Variants in INPP4B observed in about 807,000 individuals in gnomAD.
The protein encoded by INPP4B is inositol polyphosphate 4-phosphatase type II.
INPP4B carries 55 observed loss-of-function variants against 122.5 expected under a neutral mutation model. The ratio of observed to expected loss-of-function variants is 0.45; its 90% CI spans 0.36 to 0.56. The LOEUF (loss-of-function observed/expected upper bound fraction) is 0.56. INPP4B is among the 20% of genes least tolerant of loss of function. INPP4B has a pLI of 0.00. For missense variants in INPP4B, 1,000 were observed against 1,097.7 expected (o/e 0.91, Z 1.26); for synonymous variants, 403 against 388.7 (o/e 1.04, Z -0.43).
chr4:142,517,025 A>C (rs1825498316), intron 2 of INPP4B, among the ~76,000 whole-genome samples: 1 of 151,788 alleles, frequency 6.6e-6, no homozygotes, highest in Non-Finnish European at 1.5e-5. Context: ...CACCATTCCA[A>C]GAATCTGGGC....
At chr4:142,477,751 C>T (rs1410139901) in intron 2 of INPP4B, among the ~76,000 whole-genome samples, 1 of 152,114 alleles carries the variant, frequency 6.6e-6, no homozygotes, top group Non-Finnish European at 1.5e-5. Flanking sequence ...TCTTAATAGA[C>T]CAATAATGAG....
At chr4:142,029,505 G>C in intron 25 of INPP4B, 1 of 985,580 alleles carries the variant, frequency 1.0e-6, no homozygotes, top group Non-Finnish European at 1.2e-6. Flanking sequence ...GGTACATCAA[G>C]ACACAAACAA....
At chr4:142,323,649 G>A (rs371956959) in intron 7 of INPP4B, among the ~76,000 whole-genome samples, 1 of 151,754 alleles carries the variant, frequency 6.6e-6, no homozygotes, top group African/African-American at 2.4e-5. Flanking sequence ...GTTTCACCAT[G>A]TTAGCCAGGA....
chr4:142,178,129 C>G (rs1004617571), intron 15 of INPP4B, among the ~76,000 whole-genome samples: 1 of 152,186 alleles, frequency 6.6e-6, no homozygotes, highest in Non-Finnish European at 1.5e-5. Flanking sequence ...TCCCCACTTT[C>G]AACACCCAGC....
At chr4:142,488,606 G>C (rs1309347427) in intron 2 of INPP4B, among the ~76,000 whole-genome samples, 1 of 151,908 alleles carries the variant, frequency 6.6e-6, no homozygotes, top group Non-Finnish European at 1.5e-5. Context: ...TGTCAATTTT[G>C]TTAAGTTGTG....
rs144724877 is a variant in INPP4B, at chr4:142,432,926, T to C, written c.-126-1541A>G. ...CTGTTTATCGGTATATGTGCACTTG[T>C]ATAATTTGAGGATGGGAGGAGAAGA... On this transcript the variant is annotated intron_variant, in intron 3 of 25. Transcript: ENST00000262992. Among the ~76,000 whole-genome samples, 4 of 152,262 alleles carry C rather than the reference T, an allele frequency of 2.6e-5. No homozygotes were observed. The East Asian group carries it at 5.8e-4, about 22-fold the overall frequency.
chr4:142,410,572 T>A (rs1358801101), intron 5 of INPP4B, among the ~76,000 whole-genome samples: 1 of 152,160 alleles, frequency 6.6e-6, no homozygotes, highest in Non-Finnish European at 1.5e-5. Context: ...AAATTTAGAC[T>A]TAGAGGAGAA....
intron 2 of INPP4B, among the ~76,000 whole-genome samples, chr4:142,488,825 C>T (rs1245119661): frequency 6.6e-6 from 1 of 151,980 alleles, no homozygotes; most frequent in Non-Finnish European, 1.5e-5. Flanking sequence ...AAAAACACAA[C>T]TTCCAGTCTT....
chr4:142,050,247 A>G (rs1753781337), intron 25 of INPP4B, among the ~76,000 whole-genome samples: 1 of 152,038 alleles, frequency 6.6e-6, no homozygotes, highest in South Asian at 2.1e-4. Context: ...AACTTAATCT[A>G]ATAGTTATCT....
Position 142,431,332 on chromosome 4 carries a change from A to G in INPP4B, c.-73T>C. The G allele has an allele frequency of 1.0e-6, 1 of 1,004,878 alleles. No individual in the cohort carries two copies. Among genetic ancestry groups the G allele is most frequent in the East Asian group, 2.4e-5 (1 of 41,404 alleles). The allele number at this position is 1,004,878 out of a possible 1,614,324, so 62.2% of individuals were successfully genotyped here. On this transcript the variant is annotated 5_prime_UTR_variant, in exon 4 of 26. Transcript: ENST00000262992. ...GTCAGTTCTAGTGATTCCTGGTTTA[A>G]TGTAGATGTATCTTCACACTAAAGA...
chr4:142,647,371 G>A (rs1284896650), intron 2 of INPP4B, among the ~76,000 whole-genome samples: 1 of 152,060 alleles, frequency 6.6e-6, no homozygotes, highest in Non-Finnish European at 1.5e-5. Flanking sequence ...ATTGAAACCT[G>A]CGCATATAAT....
chr4:142,102,950 T>C (rs764196551), intron 23 of INPP4B, among the ~76,000 whole-genome samples: 4 of 152,136 alleles, frequency 2.6e-5, no homozygotes, highest in Non-Finnish European at 4.4e-5. Flanking sequence ...CTTGATTCTA[T>C]TGCGTTCAGC....
At chr4:142,498,095 T>TTGTG (rs745398059) in intron 2 of INPP4B, among the ~76,000 whole-genome samples, 76 of 145,738 alleles carry the variant, frequency 5.2e-4, no homozygotes, top group African/African-American at 1.6e-3. Flanking sequence ...GCAATGTATT[T>TTGTG]TGTGTGTGTG....
At chr4:142,645,324 G>A (rs1318041835) in intron 2 of INPP4B, among the ~76,000 whole-genome samples, 8 of 152,196 alleles carry the variant, frequency 5.3e-5, no homozygotes, top group Admixed American at 5.2e-4. Context: ...CAGTACAACA[G>A]TAGAGGCAGA....
intron 1 of INPP4B, among the ~76,000 whole-genome samples, chr4:142,749,929 A>G (rs1769411840): frequency 6.6e-6 from 1 of 152,014 alleles, no homozygotes; most frequent in Non-Finnish European, 1.5e-5. Context: ...GATGAAAAAT[A>G]ATTACTACTA....
intron 2 of INPP4B, among the ~76,000 whole-genome samples, chr4:142,541,293 G>A (rs1030740005): frequency 2.0e-5 from 3 of 152,164 alleles, no homozygotes; most frequent in Admixed American, 2.0e-4. Context: ...TCACATAGCT[G>A]TAAGTCAGAT....
At chr4:142,171,513 T>C (rs968900920) in intron 16 of INPP4B, among the ~76,000 whole-genome samples, 1 of 151,910 alleles carries the variant, frequency 6.6e-6, no homozygotes, top group Admixed American at 6.6e-5. Context: ...TTCAATTATA[T>C]TTAAATTTAG....
chr4:142,324,261 G>T (rs541293544), intron 7 of INPP4B, among the ~76,000 whole-genome samples: 1 of 152,120 alleles, frequency 6.6e-6, no homozygotes, highest in African/African-American at 2.4e-5. Flanking sequence ...ATAAATTTTT[G>T]TTGCTTAAGC....
chr4:142,234,528 G>C (rs1206401212), intron 12 of INPP4B, among the ~76,000 whole-genome samples: 1 of 151,946 alleles, frequency 6.6e-6, no homozygotes, highest in Admixed American at 6.6e-5. Context: ...TTTCCCCTTT[G>C]AGTCTCCAGG....
Sources: allele counts gnomAD v4.1 joint callset (sites outside exome capture counted in the v4.1 genomes callset), GRCh38; gene constraint gnomAD v4.1.1; transcripts MANE v1.5; gene names NCBI Gene and HGNC (gene_info 2026-07-23, HGNC 2026-07-21).